PDE6B: variants seen among roughly 807,000 people sequenced by gnomAD.
PDE6B encodes phosphodiesterase 6B.
In PDE6B, 106 loss-of-function variants were observed where a neutral mutation model predicts 109.0. That is an observed-to-expected ratio of 0.97 (90% CI 0.83 to 1.14). PDE6B has a LOEUF of 1.14. Ranked by LOEUF, PDE6B falls within the 50% of genes most tolerant of loss-of-function variation. The pLI, the probability that PDE6B is intolerant of heterozygous loss-of-function variation, is 0.00. For synonymous variants in PDE6B, 490 were observed against 471.3 expected (o/e 1.04, Z -0.51); for missense variants, 1,193 against 1,155.6 (o/e 1.03, Z -0.47).
chr4:650,053 C>T (rs557949046), intron 3 of PDE6B, among the ~76,000 whole-genome samples: 71 of 152,280 alleles, frequency 4.7e-4, no homozygotes, highest in South Asian at 2.7e-3. Context: ...GCCCAGAAGC[C>T]CAGGCTGCTC....
chr4:657,256 G>C (rs1051264291), intron 9 of PDE6B, 95 bp from the exon 10 acceptor site: 3 of 1,444,854 alleles, frequency 2.1e-6, no homozygotes, highest in Non-Finnish European at 2.9e-6. Context: ...GCAGCCCCAG[G>C]ACCTGCCCGC....
At position 662,399 on chromosome 4, in the gene PDE6B, G is replaced by C. The variant is rs1393827552; in HGVS notation, c.1723-110G>C. ...CGTGCACCGCGCACCCCAGCCCTGCGGTGGTCGGAGGTCCAACCTCCAACC... is the reference window on the plus strand; with the variant it reads ...CGTGCACCGCGCACCCCAGCCCTGCCGTGGTCGGAGGTCCAACCTCCAACC... On this transcript the variant is annotated intron_variant, in intron 13 of 21. Transcript: ENST00000496514. The surrounding 1 kb of genome is among the most constrained non-coding windows in gnomAD (Gnocchi z 4.3). 2 of 850,218 alleles carry C rather than the reference G, an allele frequency of 2.4e-6. No homozygotes were observed. The highest frequency in any genetic ancestry group is 4.0e-6 in the Non-Finnish European group (2 of 504,084). 52.7% of individuals were successfully genotyped at this position (850,218 alleles called of 1,614,324 possible). A position where few individuals can be genotyped will look rare whatever the true frequency, so the allele number is the denominator to read the frequency against.
chr4:664,991 C>T, intron 18 of PDE6B, 47 bp downstream of exon 18: 1 of 1,448,698 alleles, frequency 6.9e-7, no homozygotes, highest in Non-Finnish European at 9.7e-7. Flanking sequence ...CCTCTCAGCA[C>T]ATGGGACTGC....
chr4:626,711 C>T lies in PDE6B; in HGVS notation c.468+617C>T, dbSNP rs568608452. ...ACTGGGGAGGGACAAGAGACAGAATCGAGACAGGCTCACTGGAGTCACTGA... is the reference window on the plus strand; with the variant it reads ...ACTGGGGAGGGACAAGAGACAGAATTGAGACAGGCTCACTGGAGTCACTGA... On this transcript the variant is annotated intron_variant, in intron 1 of 21. Transcript: ENST00000496514. This position sits in a 1 kb window ranked among gnomAD's most constrained non-coding sequence, Gnocchi z 4.6. Among the ~76,000 whole-genome samples the T allele has an allele frequency of 2.6e-5, 4 of 152,310 alleles. No individual in the cohort carries two copies. Among genetic ancestry groups the T allele is most frequent in the South Asian group, 2.1e-4 (1 of 4,820 alleles).
At chr4:632,565 A>G (rs527820905) in intron 1 of PDE6B, among the ~76,000 whole-genome samples, 41 of 134,936 alleles carry the variant, frequency 3.0e-4, no homozygotes, top group Admixed American at 2.8e-3. Flanking sequence ...TGGGGGTCAC[A>G]TGGTGGGGAT....
rs1370289882 is a variant in PDE6B at position 635,394 on chromosome 4, T to C, written c.622-486T>C. ...TGTGCCACGCGTCTGCCTCCCTGCCTGCCTGCCCGTGTGTTCTGTGCTGTG... is the reference window on the plus strand; with the variant it reads ...TGTGCCACGCGTCTGCCTCCCTGCCCGCCTGCCCGTGTGTTCTGTGCTGTG... On this transcript the variant is annotated intron_variant, in intron 2 of 21. Transcript: ENST00000496514. Among the ~76,000 whole-genome samples, 42 of 121,550 alleles carry C rather than the reference T, an allele frequency of 3.5e-4. 1 individual carries two copies. The highest frequency in any genetic ancestry group is 5.0e-3 in the Middle Eastern group (1 of 202). The allele number at this position is 121,550 out of a possible 152,430, so 79.7% of individuals were successfully genotyped here.
chr4:643,918 C>CTTTTTT (rs57739128), intron 3 of PDE6B, among the ~76,000 whole-genome samples: 3 of 107,748 alleles, frequency 2.8e-5, no homozygotes, highest in East Asian at 2.4e-4. Flanking sequence ...AGTTCAAAAT[C>CTTTTTT]TTTTTTTTTT....
chr4:660,346 A>G lies in PDE6B; in HGVS notation c.1468-121A>G, dbSNP rs1736914668. 3 of 1,001,670 alleles carry G rather than the reference A, an allele frequency of 3.0e-6. No homozygotes were observed. The Admixed American group carries it at 5.2e-5, about 17-fold the overall frequency. The allele number at this position is 1,001,670 out of a possible 1,614,324, so 62.0% of individuals were successfully genotyped here. ...CAGGCTGGAGCGCCAGGAATGACAC[A>G]TCTCCTCAGAGATGCCTGAGGTGTC... On this transcript the variant is annotated intron_variant, in intron 11 of 21. Coordinates refer to ENST00000496514, the MANE Select transcript of PDE6B (RefSeq NM_000283.4).
intron 3 of PDE6B, among the ~76,000 whole-genome samples, chr4:638,202 C>T (rs1289488766): frequency 4.6e-5 from 7 of 152,114 alleles, no homozygotes; most frequent in Admixed American, 6.5e-5. Flanking sequence ...TGATGTCGCA[C>T]GTCTATTCAT....
intron 3 of PDE6B, chr4:651,556 C>G (rs1220378422): frequency 6.6e-6 from 1 of 152,124 alleles, no homozygotes; most frequent in Non-Finnish European, 1.5e-5. Context: ...GAACCAGTCA[C>G]GCGAGGAGAA....
At chr4:628,718 A>G (rs1183677671) in intron 1 of PDE6B, among the ~76,000 whole-genome samples, 1 of 152,140 alleles carries the variant, frequency 6.6e-6, no homozygotes, top group East Asian at 1.9e-4. Flanking sequence ...CCCAGGAGCC[A>G]CCATGGAGGG....
At chr4:640,188 TTG>T (rs1327459301) in intron 3 of PDE6B, among the ~76,000 whole-genome samples, 1 of 152,288 alleles carries the variant, frequency 6.6e-6, no homozygotes, top group East Asian at 1.9e-4. Context: ...AAGATGTGGC[TTG>T]TCTTTTAACT....
intron 10 of PDE6B, 89 bp downstream of exon 10, chr4:657,583 G>A: frequency 1.4e-6 from 2 of 1,385,282 alleles, no homozygotes; most frequent in Non-Finnish European, 2.0e-6. Flanking sequence ...AGGGGTCTCG[G>A]CTGTGTGGTG....
chr4:659,339 G>A (rs1251691904), intron 11 of PDE6B, among the ~76,000 whole-genome samples: 1 of 152,196 alleles, frequency 6.6e-6, no homozygotes, highest in Non-Finnish European at 1.5e-5. Context: ...CGGATGTTTA[G>A]TGGGCCTGAC....
intron 3 of PDE6B, chr4:653,229 G>A (rs548597731): frequency 2.4e-5 from 24 of 1,008,460 alleles, no homozygotes; most frequent in South Asian, 4.1e-5. Context: ...CCCAGCGGCC[G>A]CCGCGAGTGT....
In PDE6B at chr4:658,978, G is replaced by C; in HGVS notation, c.1428G>C (p.Glu476Asp). 6.2e-7 allele frequency: 1 copy of C among 1,613,644 alleles called. No homozygotes were observed. Among genetic ancestry groups the C allele is most frequent in the South Asian group, 1.1e-5 (1 of 91,084 alleles). Reference sequence around the variant, plus strand: ...CAACCAGAGCGCGCCTGGGGAAGGAGCCTGCTGACTGCGATGAGGACGAGC... The same window carrying C: ...CAACCAGAGCGCGCCTGGGGAAGGACCCTGCTGACTGCGATGAGGACGAGC... The part of the protein sequence containing the change: ...ILPTRARLGK[E>D]PADCDEDELG... The change falls in exon 11 of 22, where the codon GAG (glutamate) becomes GAC (aspartate). Residue 476 changes from glutamate to aspartate, a missense_variant. Transcript: ENST00000496514.
chr4:639,171 G>C (rs892147680), intron 3 of PDE6B, among the ~76,000 whole-genome samples: 1 of 151,770 alleles, frequency 6.6e-6, no homozygotes, highest in African/African-American at 2.4e-5. Context: ...TTGAGACAAG[G>C]CCTCACTCTG....
At chr4:653,811 T>C in intron 3 of PDE6B, 41 bp from the exon 4 acceptor site, 1 of 1,610,630 alleles carries the variant, frequency 6.2e-7, no homozygotes, top group Non-Finnish European at 8.5e-7. Flanking sequence ...GGCGTGAGGG[T>C]GGGAGTGGCC....
chr4:627,481 C>G (rs952518294), intron 1 of PDE6B, among the ~76,000 whole-genome samples: 1 of 152,122 alleles, frequency 6.6e-6, no homozygotes, highest in African/African-American at 2.4e-5. Context: ...TGGCAGTAAG[C>G]AAGCAGCAAG....
Sources: allele counts gnomAD v4.1 joint callset (sites outside exome capture counted in the v4.1 genomes callset), GRCh38; gene constraint gnomAD v4.1.1; non-coding constraint Gnocchi (gnomAD v3.1); transcripts MANE v1.5; gene names NCBI Gene and HGNC (gene_info 2026-07-23, HGNC 2026-07-21).